The following MRPL37 variants were observed in gnomAD, a reference collection of about 807,000 sequenced individuals.
MRPL37 encodes the protein mitochondrial ribosomal protein L37, also known as large ribosomal subunit protein mL37.
Under a neutral mutation model 44.1 loss-of-function variants are expected in MRPL37, and 34 were observed. The ratio of observed to expected loss-of-function variants is 0.77; its 90% CI spans 0.59 to 1.03. The LOEUF is 1.03. Ranked by LOEUF, MRPL37 falls within the 50% of genes least tolerant of loss-of-function variation. The pLI is 0.00. For missense variants in MRPL37, 532 were observed against 543.7 expected, an observed-to-expected ratio of 0.98 and a Z score of 0.21; for synonymous variants, 212 against 219.5, an observed-to-expected ratio of 0.97 and a Z score of 0.30.
At position 54,200,195 on chromosome 1, in the gene MRPL37, C is replaced by G; in HGVS notation, c.-49C>G. 6.7e-7 allele frequency: 1 copy of G among 1,497,276 alleles called. No homozygotes were observed. Among genetic ancestry groups the G allele is most frequent in the South Asian group, 1.3e-5 (1 of 75,422 alleles). The allele number at this position is 1,497,276 out of a possible 1,614,324, so 92.7% of individuals were successfully genotyped here. A position where few individuals can be genotyped will look rare whatever the true frequency, so the allele number is the denominator to read the frequency against. Reference sequence around the variant, plus strand: ...ATTCGTTCCCAGCAGGCCCTGCGCGCGGCAACATGGCGGGGTCCAGGTGGA... The same window carrying G: ...ATTCGTTCCCAGCAGGCCCTGCGCGGGGCAACATGGCGGGGTCCAGGTGGA... On this transcript the variant is annotated 5_prime_UTR_variant, in exon 1 of 7. Coordinates refer to ENST00000360840, the MANE Select transcript of MRPL37 (RefSeq NM_016491.4).
chr1:54,225,045 A>G, downstream of MRPL37: 5 of 1,206,204 alleles, frequency 4.1e-6, no homozygotes, highest in Non-Finnish European at 5.2e-6. Flanking sequence ...GAAAGCAGGG[A>G]GTGGCTGTGG....
chr1:54,212,449 T>G, intron 4 of MRPL37, 52 bp from the exon 5 acceptor site: 1 of 1,596,156 alleles, frequency 6.3e-7, no homozygotes, highest in Non-Finnish European at 8.6e-7. Context: ...TGAGGCTTTG[T>G]GGCAGGCTGA....
chr1:54,220,473 G>GATCT, downstream of MRPL37: 1 of 373,978 alleles, frequency 2.7e-6, no homozygotes, highest in Non-Finnish European at 5.5e-6. Flanking sequence ...AAGTACAGCT[G>GATCT]ATCTGCAAAG....
At chr1:54,219,089 C>T (rs761195791), downstream of MRPL37, among the ~76,000 whole-genome samples, 3 of 152,178 alleles carry the variant, frequency 2.0e-5, no homozygotes, top group Non-Finnish European at 4.4e-5. Context: ...GTGGGGGTGG[C>T]GGGCCCAAGC....
chr1:54,218,204 G>T lies in MRPL37; in HGVS notation c.1227G>T (p.Glu409Asp), dbSNP rs1194396336. 2.5e-6 allele frequency: 4 copies of T among 1,614,106 alleles called. No individual in the cohort carries two copies. In the Admixed American group the frequency reaches 5.0e-5, roughly 20 times the overall value. Reference protein sequence around the residue: ...EPVGPVGFKPETFRKFLALYL... With the variant: ...EPVGPVGFKPDTFRKFLALYL... ...TTGGCCCAGTTGGTTTCAAGCCAGA[G>T]ACATTCAGAAAGTTTTTAGCTCTAT... The change falls in exon 7 of 7, where the codon GAG (glutamate) becomes GAT (aspartate). Residue 409 changes from glutamate to aspartate, a missense_variant. By Grantham distance (45) the Glu-to-Asp change is conservative (BLOSUM62 2). Coordinates refer to ENST00000360840, the MANE Select transcript of MRPL37 (RefSeq NM_016491.4).
At chr1:54,224,374 C>G (rs1269006869), downstream of MRPL37, among the ~76,000 whole-genome samples, 1 of 152,232 alleles carries the variant, frequency 6.6e-6, no homozygotes, top group Non-Finnish European at 1.5e-5. Flanking sequence ...CGAGTAACAT[C>G]ACTTGTAGCG....
Position 54,212,588 on chromosome 1 carries a change from A to ATTC in MRPL37, c.921_922insTCT (p.Asp307_Gln308insSer). The ATTC allele has an allele frequency of 6.2e-7, 1 of 1,614,210 alleles. No individual in the cohort carries two copies. Among genetic ancestry groups the ATTC allele is most frequent in the Non-Finnish European group, 8.5e-7 (1 of 1,180,042 alleles). On this transcript the variant is annotated inframe_insertion, in exon 5 of 7. Transcript: ENST00000360840. ...TTACGACCACACCGCCTTCAACCAG[A>ATTC]TCAGCTGCGGGCCAAGATGATCCTG...
rs192878218 is a variant in MRPL37, at chr1:54,216,059, A to C, written c.991-82A>C. 71 of 1,435,204 alleles carry C rather than the reference A, an allele frequency of 4.9e-5. No individual in the cohort carries two copies. The Admixed American group carries it at 5.7e-4, about 11-fold the overall frequency. The allele number at this position is 1,435,204 out of a possible 1,614,324, so 88.9% of individuals were successfully genotyped here. On this transcript the variant is annotated intron_variant, in intron 5 of 6. Transcript: ENST00000360840. ...GACGTAGGTGGACGTTGTAAAGGGA[A>C]GAACTAGAAGCTGCCTGGGCCGTGC...
At chr1:54,214,011 C>T (rs1021731866) in intron 5 of MRPL37, among the ~76,000 whole-genome samples, 3 of 152,180 alleles carry the variant, frequency 2.0e-5, no homozygotes, top group Non-Finnish European at 2.9e-5. Context: ...GGCGAAACCC[C>T]ATCTCTACTA....
In MRPL37 at chr1:54,203,728, A is replaced by C. The variant is rs554145764; in HGVS notation, c.347-1290A>C. Among the ~76,000 whole-genome samples the C allele has an allele frequency of 4.6e-5, 7 of 151,904 alleles. No individual in the cohort carries two copies. In the East Asian group the frequency reaches 1.4e-3, roughly 30 times the overall value. On this transcript the variant is annotated intron_variant, in intron 1 of 6. Transcript: ENST00000360840. ...TGACCTCAAGTGATCTGCCCACCTCAGCCTCCCAAAGTGCTGGGATTACAG... is the reference window on the plus strand; with the variant it reads ...TGACCTCAAGTGATCTGCCCACCTCCGCCTCCCAAAGTGCTGGGATTACAG...
At chr1:54,209,159 A>G (rs760669610) in intron 3 of MRPL37, among the ~76,000 whole-genome samples, 3 of 152,170 alleles carry the variant, frequency 2.0e-5, no homozygotes, top group Non-Finnish European at 4.4e-5. Flanking sequence ...GCTCCTTGAG[A>G]GGAGAGAGTA....
chr1:54,220,080 A>T (rs568459383), downstream of MRPL37, among the ~76,000 whole-genome samples: 3 of 151,732 alleles, frequency 2.0e-5, no homozygotes, highest in Non-Finnish European at 2.9e-5. Flanking sequence ...TTTAAACAAC[A>T]CTCTGTTGGG....
At chr1:54,209,043 GCTT>G (rs1216139987) in intron 3 of MRPL37, among the ~76,000 whole-genome samples, 1 of 152,184 alleles carries the variant, frequency 6.6e-6, no homozygotes, top group African/African-American at 2.4e-5. Context: ...TTAAGGCATT[GCTT>G]CTTTCAGGGA....
At chr1:54,207,990 T>C (rs551820741) in intron 3 of MRPL37, among the ~76,000 whole-genome samples, 1 of 152,294 alleles carries the variant, frequency 6.6e-6, no homozygotes, top group Non-Finnish European at 1.5e-5. Context: ...CAGGAGGCCA[T>C]TCTCAAGGTG....
At chr1:54,221,006 C>T, downstream of MRPL37, 3 of 366,170 alleles carry the variant, frequency 8.2e-6, no homozygotes, top group South Asian at 4.2e-5. Context: ...CACTTTTCCC[C>T]TCCTGTATTC....
At chr1:54,214,195 AAAG>A (rs1362584077) in intron 5 of MRPL37, among the ~76,000 whole-genome samples, 8 of 152,210 alleles carry the variant, frequency 5.3e-5, no homozygotes, top group Non-Finnish European at 4.4e-5. Context: ...AAAGGAAAAA[AAAG>A]AAAAAAGAAA....
At chr1:54,200,677 A>C in intron 1 of MRPL37, 88 bp downstream of exon 1, 1 of 1,378,726 alleles carries the variant, frequency 7.3e-7, no homozygotes, top group Non-Finnish European at 9.8e-7. Context: ...AGACATTGAA[A>C]CTCTGTGGGT....
intron 5 of MRPL37, among the ~76,000 whole-genome samples, chr1:54,215,049 A>G (rs1644188307): frequency 6.6e-6 from 1 of 152,190 alleles, no homozygotes; most frequent in South Asian, 2.1e-4. Flanking sequence ...GGCCTGCTTC[A>G]TGGGGCCTGC....
At chr1:54,210,855 T>C (rs1248675184) in intron 4 of MRPL37, among the ~76,000 whole-genome samples, 4 of 152,166 alleles carry the variant, frequency 2.6e-5, no homozygotes, top group Non-Finnish European at 5.9e-5. Flanking sequence ...AGAGTAGCCT[T>C]TCCCCAACAC....
Sources: gnomAD v4.1 joint callset for allele counts (sites outside exome capture counted in the v4.1 genomes callset) on GRCh38, gnomAD v4.1.1 for gene constraint, MANE v1.5 for transcripts, NCBI Gene and HGNC (gene_info 2026-07-23, HGNC 2026-07-21) for gene names.